MYRIP: variants seen among roughly 807,000 people sequenced by gnomAD.
The protein encoded by MYRIP is myosin VIIA and Rab interacting protein.
A neutral mutation model predicts 98.0 loss-of-function variants in MYRIP; 49 were observed. The observed-to-expected ratio is 0.50, with a 90% CI of 0.40 to 0.63. MYRIP has a LOEUF of 0.63. Among genes scored for constraint, MYRIP ranks in the 30% least tolerant of loss-of-function variants. The probability of loss-of-function intolerance (pLI) is 0.00; values close to 1 mark genes in which losing one functional copy is unlikely to be tolerated. For synonymous variants in MYRIP, 404 were observed against 409.5 expected (o/e 0.99, Z 0.16); for missense variants, 1,004 against 1,058.2 (o/e 0.95, Z 0.71).
intron 4 of MYRIP, among the ~76,000 whole-genome samples, chr3:40,156,215 A>G (rs1338294088): frequency 6.6e-6 from 1 of 151,762 alleles, no homozygotes; most frequent in Non-Finnish European, 1.5e-5. Context: ...ACATATGGCT[A>G]GCCAGTTTTC....
intron 1 of MYRIP, among the ~76,000 whole-genome samples, chr3:39,889,007 A>G (rs1394572690): frequency 6.6e-6 from 1 of 152,186 alleles, no homozygotes; most frequent in Non-Finnish European, 1.5e-5. Context: ...TATAATGGCG[A>G]TCATTAAAAA....
In MYRIP at chr3:40,051,767, C is replaced by T. The variant is rs1260888662; in HGVS notation, c.332+7496C>T. Among the ~76,000 whole-genome samples the T allele has an allele frequency of 2.0e-5, 3 of 152,068 alleles. No individual in the cohort carries two copies. In the East Asian group the frequency reaches 5.8e-4, roughly 29 times the overall value. On this transcript the variant is annotated intron_variant, in intron 3 of 16. Transcript: ENST00000302541. ...AAACTTAAGGCTTCTTTTCTTTTTCCTTGGAATTGAGTATTATTTACTTCT... is the reference window on the plus strand; with the variant it reads ...AAACTTAAGGCTTCTTTTCTTTTTCTTTGGAATTGAGTATTATTTACTTCT...
At chr3:40,117,118 G>A (rs1484828057) in intron 3 of MYRIP, among the ~76,000 whole-genome samples, 3 of 152,146 alleles carry the variant, frequency 2.0e-5, no homozygotes, top group East Asian at 1.9e-4. Flanking sequence ...CAATCCCCCC[G>A]CCCTGATATT....
chr3:39,864,579 A>G (rs58114824), intron 1 of MYRIP, among the ~76,000 whole-genome samples: 3,104 of 152,300 alleles, frequency 0.02, 97 homozygotes, highest in African/African-American at 0.069. Flanking sequence ...AATACCTAGG[A>G]CTACAGCTAA....
intron 1 of MYRIP, among the ~76,000 whole-genome samples, chr3:39,818,432 TC>T (rs1180208791): frequency 2.6e-5 from 4 of 152,208 alleles, no homozygotes; most frequent in Non-Finnish European, 5.9e-5. Context: ...ATTTATTGGC[TC>T]TTCATGGCCA....
In MYRIP at chr3:39,973,354, A is replaced by G. The variant is rs1382897816; in HGVS notation, c.111-70696A>G. Among the ~76,000 whole-genome samples the G allele has an allele frequency of 3.3e-5, 5 of 152,168 alleles. No individual in the cohort carries two copies. In the East Asian group the frequency reaches 5.8e-4, roughly 18 times the overall value. On this transcript the variant is annotated intron_variant, in intron 2 of 16. Coordinates refer to ENST00000302541, the MANE Select transcript of MYRIP (RefSeq NM_015460.4). ...ATCAATTCAACAAAAAGAGCTAACT[A>G]TCCTAAATATATATGCACCCAATAC...
At chr3:40,040,913 A>G (rs1947500658) in intron 2 of MYRIP, among the ~76,000 whole-genome samples, 1 of 81,148 alleles carries the variant, frequency 1.2e-5, no homozygotes, top group East Asian at 3.8e-4. Context: ...GCGCACCAGC[A>G]TGGCACATGT....
At chr3:39,910,162 T>G (rs535933568) in intron 2 of MYRIP, among the ~76,000 whole-genome samples, 1 of 152,320 alleles carries the variant, frequency 6.6e-6, no homozygotes, top group Non-Finnish European at 1.5e-5. Flanking sequence ...GTGCTGGGAT[T>G]ACAGGCCTGA....
Position 40,160,165 on chromosome 3 carries a change from G to A in MYRIP, c.470-2565G>A, listed in dbSNP as rs143334953. Among the ~76,000 whole-genome samples, 965 of 152,308 alleles carry A rather than the reference G, an allele frequency of 6.3e-3. 16 individuals carry two copies. Among genetic ancestry groups the A allele is most frequent in the African/African-American group, 0.022 (924 of 41,570 alleles). ...CTTTGATGATGGTGATGTAGAGATGGGTTTTTGGTGTGGATATCCTTTCTG... is the reference window on the plus strand; with the variant it reads ...CTTTGATGATGGTGATGTAGAGATGAGTTTTTGGTGTGGATATCCTTTCTG... On this transcript the variant is annotated intron_variant, in intron 4 of 16. Transcript: ENST00000302541.
At chr3:40,036,559 C>T (rs1236512766) in intron 2 of MYRIP, among the ~76,000 whole-genome samples, 1 of 152,006 alleles carries the variant, frequency 6.6e-6, no homozygotes, top group Non-Finnish European at 1.5e-5. Flanking sequence ...AGCAAGAGTT[C>T]TGCTATTGAT....
chr3:40,045,091 A>T (rs1425354862), intron 3 of MYRIP, among the ~76,000 whole-genome samples: 1 of 152,280 alleles, frequency 6.6e-6, no homozygotes, highest in South Asian at 2.1e-4. Context: ...AGAGATGAGC[A>T]GGTCCTGGGA....
intron 3 of MYRIP, among the ~76,000 whole-genome samples, chr3:40,062,983 G>A (rs1559384948): frequency 6.6e-6 from 1 of 152,132 alleles, no homozygotes; most frequent in South Asian, 2.1e-4. Flanking sequence ...CAAATCTCTT[G>A]ACTAGATTAA....
intron 3 of MYRIP, among the ~76,000 whole-genome samples, chr3:40,094,278 C>A (rs915640361): frequency 2.6e-5 from 4 of 152,192 alleles, no homozygotes; most frequent in African/African-American, 7.2e-5. Context: ...TTTATCACAA[C>A]CCTATGAAAC....
rs917459423 is a variant in MYRIP at position 40,080,797 on chromosome 3, T to C, written c.332+36526T>C. 1.9e-3 allele frequency among the ~76,000 whole-genome samples: 159 copies of C among 83,352 alleles called. 1 individual carries two copies. In the South Asian group the frequency reaches 0.068, roughly 36 times the overall value. 54.7% of individuals were successfully genotyped at this position (83,352 alleles called of 152,430 possible). On this transcript the variant is annotated intron_variant, in intron 3 of 16. Transcript: ENST00000302541. ...TTGTTTTCTATCCTAACTTCTTTTT[T>C]TTTTTTTTTTTTTTTTTGCTTCCAT...
chr3:40,218,631 T>TATATATATATATA (rs1952224763), intron 11 of MYRIP, among the ~76,000 whole-genome samples: 1 of 13,898 alleles, frequency 7.2e-5, no homozygotes, highest in Non-Finnish European at 3.4e-4. Context: ...TATATATATA[T>TATATATATATATA]ATATATATAT....
At chr3:40,070,535 C>T (rs956327646) in intron 3 of MYRIP, among the ~76,000 whole-genome samples, 31 of 152,304 alleles carry the variant, frequency 2.0e-4, no homozygotes, top group African/African-American at 6.7e-4. Context: ...GGGTCCTCAA[C>T]CCCCAGACTG....
At chr3:40,153,085 C>T (rs1315196962) in intron 4 of MYRIP, among the ~76,000 whole-genome samples, 1 of 151,972 alleles carries the variant, frequency 6.6e-6, no homozygotes, top group East Asian at 1.9e-4. Context: ...TGCCACTGCA[C>T]TCCAGCCTGG....
intron 11 of MYRIP, among the ~76,000 whole-genome samples, chr3:40,216,873 C>T (rs546417652): frequency 3.4e-4 from 51 of 152,066 alleles, no homozygotes; most frequent in Non-Finnish European, 5.9e-4. Context: ...ATCAAAGAAA[C>T]ACATGACAAA....
intron 2 of MYRIP, among the ~76,000 whole-genome samples, chr3:40,043,683 A>G (rs1200417333): frequency 6.6e-6 from 1 of 152,192 alleles, no homozygotes; most frequent in Non-Finnish European, 1.5e-5. Flanking sequence ...ATGTTTTATC[A>G]TAAGTGATCT....
Sources: allele counts gnomAD v4.1 joint callset (sites outside exome capture counted in the v4.1 genomes callset), GRCh38; gene constraint gnomAD v4.1.1; transcripts MANE v1.5; gene names NCBI Gene and HGNC (gene_info 2026-07-23, HGNC 2026-07-21).